KIF6: variants seen among roughly 807,000 people sequenced by gnomAD.
KIF6 encodes the protein kinesin-like protein KIF6.
Under a neutral mutation model 112.7 loss-of-function variants are expected in KIF6, and 106 were observed. That is an observed-to-expected ratio of 0.94 (90% confidence interval 0.80 to 1.11). KIF6 has a LOEUF of 1.11. Among genes scored for constraint, KIF6 ranks in the 50% least tolerant of loss-of-function variants. The probability of loss-of-function intolerance (pLI) is 0.00; values close to 1 mark genes in which losing one functional copy is unlikely to be tolerated. For missense variants in KIF6, 929 were observed against 964.0 expected (o/e 0.96, Z 0.48); for synonymous variants, 339 against 339.9 (o/e 1.00, Z 0.03).
chr6:39,652,805 T>C (rs762132340), intron 3 of KIF6, among the ~76,000 whole-genome samples: 3 of 152,118 alleles, frequency 2.0e-5, no homozygotes, highest in Non-Finnish European at 4.4e-5. Context: ...GTGATAAGAG[T>C]AATACCAAAG....
chr6:39,633,641 A>T (rs1784467358), intron 5 of KIF6, among the ~76,000 whole-genome samples: 1 of 152,182 alleles, frequency 6.6e-6, no homozygotes, highest in African/African-American at 2.4e-5. Context: ...AGCAAGCGCA[A>T]TGCCTTAGTC....
chr6:39,362,379 C>T, intron 17 of KIF6, 55 bp downstream of exon 17: 1 of 1,360,674 alleles, frequency 7.3e-7, no homozygotes, highest in Non-Finnish European at 1.1e-6. Context: ...TCCAGGACGA[C>T]ACTGAGACCC....
At chr6:39,415,071 C>T (rs918905386) in intron 15 of KIF6, among the ~76,000 whole-genome samples, 2 of 151,594 alleles carry the variant, frequency 1.3e-5, no homozygotes, top group Non-Finnish European at 2.9e-5. Context: ...GCCTATAATC[C>T]CAGCTACTCA....
At position 39,478,569 on chromosome 6, in the gene KIF6, G is replaced by T. The variant is rs144928667; in HGVS notation, c.1646-47408C>A. 3.6e-3 allele frequency among the ~76,000 whole-genome samples: 546 copies of T among 152,208 alleles called. 1 individual carries two copies. Among genetic ancestry groups the T allele is most frequent in the African/African-American group, 0.013 (521 of 41,512 alleles). On this transcript the variant is annotated intron_variant, in intron 13 of 22. Transcript: ENST00000287152. ...GTAGATACCTAGGAGTGAGATTGCT[G>T]GATCAAATGATAGTTCTACTTTTAG...
At chr6:39,407,839 G>A (rs1769194545) in intron 15 of KIF6, among the ~76,000 whole-genome samples, 1 of 152,176 alleles carries the variant, frequency 6.6e-6, no homozygotes, top group South Asian at 2.1e-4. Context: ...TCAGTGTAGT[G>A]TGACCAAGGT....
chr6:39,582,987 C>T (rs904321731), intron 9 of KIF6, among the ~76,000 whole-genome samples: 2 of 152,220 alleles, frequency 1.3e-5, no homozygotes, highest in African/African-American at 4.8e-5. Context: ...AAGACCTCAA[C>T]ATTTGTTCAA....
At chr6:39,611,232 C>A (rs554700380) in intron 6 of KIF6, among the ~76,000 whole-genome samples, 1 of 152,020 alleles carries the variant, frequency 6.6e-6, no homozygotes, top group Non-Finnish European at 1.5e-5. Context: ...GGCTTGAACC[C>A]GGGAGATGGA....
chr6:39,349,630 T>G (rs1334893067), intron 19 of KIF6, among the ~76,000 whole-genome samples: 1 of 123,518 alleles, frequency 8.1e-6, no homozygotes, highest in East Asian at 2.3e-4. Context: ...AATTTGTGGC[T>G]CTTTTTTTTT....
intron 16 of KIF6, among the ~76,000 whole-genome samples, chr6:39,374,633 C>T (rs535522582): frequency 6.6e-6 from 1 of 152,304 alleles, no homozygotes; most frequent in East Asian, 1.9e-4. Context: ...AAATGCTCAA[C>T]ATCCCTAATC....
At chr6:39,575,538 G>A (rs1168308041) in intron 10 of KIF6, among the ~76,000 whole-genome samples, 1 of 152,158 alleles carries the variant, frequency 6.6e-6, no homozygotes, top group African/African-American at 2.4e-5. Flanking sequence ...CCAAAGTGCT[G>A]GGATTACAGG....
chr6:39,502,407 C>G (rs1168136384), intron 13 of KIF6, among the ~76,000 whole-genome samples: 1 of 152,094 alleles, frequency 6.6e-6, no homozygotes, highest in East Asian at 1.9e-4. Context: ...AGTACACAGA[C>G]CAGTGACACT....
chr6:39,399,680 G>A (rs868033508), intron 15 of KIF6, among the ~76,000 whole-genome samples: 12 of 152,228 alleles, frequency 7.9e-5, no homozygotes, highest in South Asian at 2.1e-4. Context: ...TGTGTCCACT[G>A]CAGGTTTTTC....
chr6:39,583,423 C>A (rs891789329), intron 9 of KIF6: 27 of 471,464 alleles, frequency 5.7e-5, no homozygotes, highest in Admixed American at 5.2e-4. Context: ...GAAACAGATC[C>A]TGCCTCACTC....
chr6:39,381,258 C>T (rs1766908792), intron 16 of KIF6, among the ~76,000 whole-genome samples: 1 of 152,152 alleles, frequency 6.6e-6, no homozygotes. Context: ...CGATCACACC[C>T]ACACTTTCAT....
intron 15 of KIF6, among the ~76,000 whole-genome samples, chr6:39,386,297 T>G (rs1254128854): frequency 6.6e-6 from 1 of 152,090 alleles, no homozygotes; most frequent in Non-Finnish European, 1.5e-5. Flanking sequence ...ATAAGGAACA[T>G]TTGCAAAATA....
Position 39,343,633 on chromosome 6 carries a change from C to T in KIF6, c.2428+76G>A, listed in dbSNP as rs1763474033. 7.9e-7 allele frequency: 1 copy of T among 1,264,130 alleles called. No individual in the cohort carries two copies. 78.3% of individuals were successfully genotyped at this position (1,264,130 alleles called of 1,614,324 possible). A position where few individuals can be genotyped will look rare whatever the true frequency, so the allele number is the denominator to read the frequency against. On this transcript the variant is annotated intron_variant, in intron 22 of 22. Transcript: ENST00000287152. The surrounding 1 kb of genome is among the most constrained non-coding windows in gnomAD (Gnocchi z 4.1). Reference sequence around the variant, plus strand: ...TATGCAGGAAACTCCCTACTCCCCTCCCACCTCACTGTGTGCTCCCCACAA... The same window carrying T: ...TATGCAGGAAACTCCCTACTCCCCTTCCACCTCACTGTGTGCTCCCCACAA...
At chr6:39,659,424 G>A (rs934805522) in intron 3 of KIF6, among the ~76,000 whole-genome samples, 5 of 152,128 alleles carry the variant, frequency 3.3e-5, no homozygotes, top group African/African-American at 1.2e-4. Flanking sequence ...CACAGAACTG[G>A]TCAGTAAGCA....
chr6:39,398,137 T>C (rs1402303837), intron 15 of KIF6, among the ~76,000 whole-genome samples: 2 of 152,222 alleles, frequency 1.3e-5, no homozygotes, highest in African/African-American at 2.4e-5. Flanking sequence ...TTGGTGAATA[T>C]AAAAATATTT....
At chr6:39,386,803 G>C (rs1767465649) in intron 15 of KIF6, among the ~76,000 whole-genome samples, 1 of 152,174 alleles carries the variant, frequency 6.6e-6, no homozygotes, top group Non-Finnish European at 1.5e-5. Context: ...CAAGGGCTCA[G>C]CACACTTGTT....
Sources: gnomAD v4.1 joint callset for allele counts (sites outside exome capture counted in the v4.1 genomes callset) on GRCh38, gnomAD v4.1.1 for gene constraint, Gnocchi (gnomAD v3.1) non-coding constraint, MANE v1.5 for transcripts, NCBI Gene and HGNC (gene_info 2026-07-23, HGNC 2026-07-21) for gene names.